The following CCDC85A variants were observed in gnomAD, a reference collection of about 807,000 sequenced individuals.
CCDC85A encodes the protein coiled-coil domain containing 85A.
In CCDC85A, 38 loss-of-function variants were observed where a neutral mutation model predicts 50.2. The observed-to-expected ratio is 0.76, with a 90% CI of 0.58 to 0.99. The LOEUF (loss-of-function observed/expected upper bound fraction) is 0.99. Ranked by LOEUF, CCDC85A falls within the 50% of genes least tolerant of loss-of-function variation. CCDC85A has a pLI of 0.00. For synonymous variants in CCDC85A, 366 were observed against 301.4 expected (o/e 1.21, Z -2.22); for missense variants, 820 against 742.0 (o/e 1.11, Z -1.22).
At position 56,279,375 on chromosome 2, in the gene CCDC85A, C is replaced by T. The variant is rs182775430; in HGVS notation, c.1241-63504C>T. On this transcript the variant is annotated intron_variant, in intron 2 of 5. Transcript: ENST00000407595. ...ACACAATTTTAAAACATATTCATAA[C>T]CCCCCAAAGAACCTCCATAACCATT... 3.3e-5 allele frequency among the ~76,000 whole-genome samples: 5 copies of T among 151,838 alleles called. No homozygotes were observed. The East Asian group carries it at 9.7e-4, about 29-fold the overall frequency.
At position 56,250,497 on chromosome 2, in the gene CCDC85A, T is replaced by C. The variant is rs61097525; in HGVS notation, c.1240+57057T>C. Reference sequence around the variant, plus strand: ...AGGTCAGGGGAAAGAAGTTAGGAAATGCCTAGTGACATCTGTATGGTAGTC... The same window carrying C: ...AGGTCAGGGGAAAGAAGTTAGGAAACGCCTAGTGACATCTGTATGGTAGTC... On this transcript the variant is annotated intron_variant, in intron 2 of 5. Coordinates refer to ENST00000407595, the MANE Select transcript of CCDC85A (RefSeq NM_001080433.2). Among the ~76,000 whole-genome samples, 799 of 152,294 alleles carry C rather than the reference T, an allele frequency of 5.2e-3. 7 individuals are homozygous for C. Among genetic ancestry groups the C allele is most frequent in the African/African-American group, 0.018 (759 of 41,576 alleles).
chr2:56,359,726 G>A (rs528239896), intron 3 of CCDC85A, among the ~76,000 whole-genome samples: 18 of 152,294 alleles, frequency 1.2e-4, no homozygotes, highest in Admixed American at 1.2e-3. Flanking sequence ...GGAGAAACTT[G>A]CAGAAAAAAG....
chr2:56,367,320 G>C (rs1675844756), intron 3 of CCDC85A, among the ~76,000 whole-genome samples: 1 of 152,070 alleles, frequency 6.6e-6, no homozygotes, highest in African/African-American at 2.4e-5. Context: ...TTATTTGGGG[G>C]TGGAAATGTG....
chr2:56,307,317 A>G (rs560147481), intron 2 of CCDC85A, among the ~76,000 whole-genome samples: 12 of 152,166 alleles, frequency 7.9e-5, no homozygotes, highest in African/African-American at 2.9e-4. Context: ...GAGTGCAGAA[A>G]TTATCATATA....
chr2:56,262,818 C>A (rs1242725570), intron 2 of CCDC85A, among the ~76,000 whole-genome samples: 1 of 152,192 alleles, frequency 6.6e-6, no homozygotes, highest in African/African-American at 2.4e-5. Context: ...CACAGCAGTT[C>A]ACATATAGAA....
chr2:56,331,771 A>G (rs1673811278), intron 2 of CCDC85A, among the ~76,000 whole-genome samples: 1 of 152,192 alleles, frequency 6.6e-6, no homozygotes, highest in African/African-American at 2.4e-5. Context: ...AAAGAACAGC[A>G]CTCGTGATTT....
At chr2:56,194,464 A>G (rs1285704250) in intron 2 of CCDC85A, among the ~76,000 whole-genome samples, 1 of 152,166 alleles carries the variant, frequency 6.6e-6, no homozygotes, top group Non-Finnish European at 1.5e-5. Flanking sequence ...TTCATTGAAA[A>G]TATCTGAGGG....
intron 2 of CCDC85A, among the ~76,000 whole-genome samples, chr2:56,200,553 T>C (rs1374489265): frequency 6.6e-6 from 1 of 152,192 alleles, no homozygotes; most frequent in Non-Finnish European, 1.5e-5. Flanking sequence ...ATAAATTGCT[T>C]TCTCTTTAGA....
intron 4 of CCDC85A, among the ~76,000 whole-genome samples, chr2:56,373,133 A>C (rs1434541575): frequency 6.6e-6 from 1 of 152,198 alleles, no homozygotes; most frequent in African/African-American, 2.4e-5. Flanking sequence ...CTGTTATTGC[A>C]GTCTAGAAAA....
At chr2:56,188,361 T>A (rs932813525) in intron 1 of CCDC85A, among the ~76,000 whole-genome samples, 2 of 152,204 alleles carry the variant, frequency 1.3e-5, no homozygotes, top group Admixed American at 1.3e-4. Context: ...AGTGGGCCAA[T>A]ACTCACTCCT....
At chr2:56,270,023 T>A (rs1451510229) in intron 2 of CCDC85A, among the ~76,000 whole-genome samples, 1 of 152,190 alleles carries the variant, frequency 6.6e-6, no homozygotes, top group Non-Finnish European at 1.5e-5. Context: ...GTCAGATTCA[T>A]TTTGTGTAGA....
intron 3 of CCDC85A, among the ~76,000 whole-genome samples, chr2:56,346,500 G>A (rs1674638736): frequency 6.6e-6 from 1 of 152,194 alleles, no homozygotes; most frequent in Non-Finnish European, 1.5e-5. Context: ...CCTCTGTACA[G>A]CCACCGTGGC....
chr2:56,323,334 G>A (rs577954314), intron 2 of CCDC85A, among the ~76,000 whole-genome samples: 8 of 152,112 alleles, frequency 5.3e-5, no homozygotes, highest in South Asian at 2.1e-4. Context: ...ATATTGAATA[G>A]CAAGACAGAA....
intron 3 of CCDC85A, among the ~76,000 whole-genome samples, chr2:56,358,555 A>G: frequency 6.6e-6 from 1 of 152,182 alleles, no homozygotes; most frequent in East Asian, 1.9e-4. Context: ...TTTATGGGCC[A>G]TATGTTCTGC....
chr2:56,292,964 G>A (rs1343688193), intron 2 of CCDC85A, among the ~76,000 whole-genome samples: 1 of 152,182 alleles, frequency 6.6e-6, no homozygotes, highest in African/African-American at 2.4e-5. Flanking sequence ...AATCAAGGGG[G>A]TTTAGAGCAC....
chr2:56,185,431 C>A (rs1675977987), intron 1 of CCDC85A, among the ~76,000 whole-genome samples: 1 of 152,150 alleles, frequency 6.6e-6, no homozygotes, highest in African/African-American at 2.4e-5. Context: ...CTTGTGTCAC[C>A]GGGTACATAG....
intron 2 of CCDC85A, among the ~76,000 whole-genome samples, chr2:56,228,996 A>G (rs1558595430): frequency 6.6e-6 from 1 of 152,188 alleles, no homozygotes; most frequent in Non-Finnish European, 1.5e-5. Flanking sequence ...AAATACAGGA[A>G]CTGGATACCT....
At chr2:56,264,830 C>T (rs1270887208) in intron 2 of CCDC85A, among the ~76,000 whole-genome samples, 3 of 152,188 alleles carry the variant, frequency 2.0e-5, no homozygotes, top group African/African-American at 7.2e-5. Flanking sequence ...CTCTCCAGGC[C>T]ATCTTTGCAT....
chr2:56,316,956 AC>A (rs1381665228), intron 2 of CCDC85A, among the ~76,000 whole-genome samples: 2 of 152,128 alleles, frequency 1.3e-5, no homozygotes, highest in African/African-American at 2.4e-5. Flanking sequence ...GGCTAGAAAA[AC>A]ATCCCTAAAC....
Sources: allele counts gnomAD v4.1 joint callset (sites outside exome capture counted in the v4.1 genomes callset), GRCh38; gene constraint gnomAD v4.1.1; transcripts MANE v1.5; gene names NCBI Gene and HGNC (gene_info 2026-07-23, HGNC 2026-07-21).